The following KLHL26 variants were observed in gnomAD, a reference collection of about 807,000 sequenced individuals.
KLHL26 encodes the protein kelch like family member 26.
In KLHL26, 4 loss-of-function variants were observed where a neutral mutation model predicts 7.1. The observed-to-expected ratio is 0.56, with a 90% CI of 0.28 to 1.28. The LOEUF is 1.28. Among genes scored for constraint, KLHL26 ranks in the 50% most tolerant of loss-of-function variants. The pLI, the probability that KLHL26 is intolerant of heterozygous loss-of-function variation, is 0.11. For missense variants in KLHL26, 896 were observed against 924.6 expected (o/e 0.97, Z 0.40); for synonymous variants, 465 against 414.1 (o/e 1.12, Z -1.49).
At chr19:18,662,295 C>G (rs936015682) in intron 1 of KLHL26, among the ~76,000 whole-genome samples, 11 of 152,158 alleles carry the variant, frequency 7.2e-5, no homozygotes, top group Non-Finnish European at 1.3e-4. Flanking sequence ...CTGGCAAGGC[C>G]CATGCATACT....
intron 1 of KLHL26, among the ~76,000 whole-genome samples, chr19:18,645,219 A>G (rs1195555276): frequency 6.6e-6 from 1 of 151,694 alleles, no homozygotes; most frequent in Non-Finnish European, 1.5e-5. Flanking sequence ...CGGGGTCTAG[A>G]CTCCTTGGAG....
intron 1 of KLHL26, among the ~76,000 whole-genome samples, chr19:18,637,344 AC>A: frequency 6.6e-6 from 1 of 151,664 alleles, no homozygotes; most frequent in Admixed American, 6.6e-5. Context: ...GTGCCCCAGG[AC>A]CTCGAGGCGT....
chr19:18,663,094 G>A (rs965651191), intron 1 of KLHL26, among the ~76,000 whole-genome samples: 1 of 152,216 alleles, frequency 6.6e-6, no homozygotes, highest in Non-Finnish European at 1.5e-5. Context: ...AGTAGCATAT[G>A]TCCTGCTTCC....
intron 1 of KLHL26, among the ~76,000 whole-genome samples, chr19:18,641,350 G>A (rs1284282741): frequency 8.5e-4 from 90 of 105,810 alleles, no homozygotes; most frequent in African/African-American, 3.1e-3. Flanking sequence ...ACTGAGTCTC[G>A]CTTTGTTGCC....
In KLHL26 at chr19:18,668,377, G is replaced by A; in HGVS notation, c.980G>A (p.Ser327Asn). ...TACACCGACAGCGACCGCTCGGTCA[G>A]CAGCAAGGTCTACCAGCTGCCTGAG... Reference protein sequence around the residue: ...TPYTDSDRSVSSKVYQLPEPG... With the variant: ...TPYTDSDRSVNSKVYQLPEPG... Residue 327 changes from serine to asparagine, a missense_variant, in exon 3 of 3, where the codon AGC becomes AAC. Transcript: ENST00000300976. The A allele has an allele frequency of 5.6e-6, 9 of 1,607,972 alleles. No homozygotes were observed. The highest frequency in any genetic ancestry group is 7.6e-6 in the Non-Finnish European group (9 of 1,179,070).
Position 18,668,363 on chromosome 19 carries a change from C to A in KLHL26, c.966C>A (p.Ser322Arg). 6.2e-7 allele frequency: 1 copy of A among 1,607,336 alleles called. No individual in the cohort carries two copies. Among genetic ancestry groups the A allele is most frequent in the Non-Finnish European group, 8.5e-7 (1 of 1,178,618 alleles). ...TCGGCGGCACGCCCTACACCGACAGCGACCGCTCGGTCAGCAGCAAGGTCT... is the reference window on the plus strand; with the variant it reads ...TCGGCGGCACGCCCTACACCGACAGAGACCGCTCGGTCAGCAGCAAGGTCT... ...VTFGGTPYTD[S>R]DRSVSSKVYQ... The change falls in exon 3 of 3, where the codon AGC becomes AGA. Residue 322 changes from serine (S) to arginine (R), a missense_variant. Coordinates refer to ENST00000300976, the MANE Select transcript of KLHL26 (RefSeq NM_018316.3).
rs970130111 is a variant in KLHL26, at chr19:18,648,365, A to T, written c.83+11228A>T. Among the ~76,000 whole-genome samples, 1 of 152,078 alleles carries T rather than the reference A, an allele frequency of 6.6e-6. No individual in the cohort carries two copies. Among genetic ancestry groups the T allele is most frequent in the Admixed American group, 6.5e-5 (1 of 15,268 alleles). On this transcript the variant is annotated intron_variant, in intron 1 of 2. Transcript: ENST00000300976. The surrounding 1 kb of genome is among the most constrained non-coding windows in gnomAD (Gnocchi z 4.9). ...GAGACTCTGTCTCAAAAAAGAAAGG[A>T]TCCCTCTGGCAAGAGACAAGGGACC...
chr19:18,642,943 C>T (rs1568454339), intron 1 of KLHL26, among the ~76,000 whole-genome samples: 1 of 151,954 alleles, frequency 6.6e-6, no homozygotes, highest in Non-Finnish European at 1.5e-5. Context: ...AAGCGATTCT[C>T]CTGCCTCAGC....
At chr19:18,657,440 C>G (rs185385407) in intron 1 of KLHL26, among the ~76,000 whole-genome samples, 161 of 151,366 alleles carry the variant, frequency 1.1e-3, no homozygotes, top group African/African-American at 3.7e-3. Context: ...CTCTGAGTCT[C>G]TGGGTCTCTG....
At position 18,664,270 on chromosome 19, in the gene KLHL26, C is replaced by G; in HGVS notation, c.93C>G (p.Asp31Glu). The change falls in exon 2 of 3, where the codon GAC becomes GAG. Residue 31 changes from aspartate to glutamate, a missense_variant. Coordinates refer to ENST00000300976, the MANE Select transcript of KLHL26 (RefSeq NM_018316.3). Reference protein sequence around the residue: ...PGPERPNSTADKNGALKCTFS... With the variant: ...PGPERPNSTAEKNGALKCTFS... ...TCTGCTTTCCCCGCAGCACGGCCGA[C>G]AAGAACGGGGCCCTCAAGTGCACCT... 6.3e-7 allele frequency: 1 copy of G among 1,598,768 alleles called. No individual in the cohort carries two copies. Among genetic ancestry groups the G allele is most frequent in the Non-Finnish European group, 8.5e-7 (1 of 1,173,464 alleles).
chr19:18,643,023 G>T (rs1976742191), intron 1 of KLHL26, among the ~76,000 whole-genome samples: 1 of 151,676 alleles, frequency 6.6e-6, no homozygotes. Flanking sequence ...TAATAGAGAC[G>T]GGGTTTCACC....
Position 18,669,021 on chromosome 19 carries a change from G to T in KLHL26, c.1624G>T (p.Val542Leu), listed in dbSNP as rs17852384. The change falls in exon 3 of 3, where the codon GTG becomes TTG. Residue 542 changes from valine (V) to leucine (L), a missense_variant. By Grantham distance (32) the Val-to-Leu change is conservative. Transcript: ENST00000300976. Reference sequence around the variant, plus strand: ...GCCGGAGACGGACCAGTGGACCAGCGTGAGCCCCATGCGGGCCGGCCAGTC... The same window carrying T: ...GCCGGAGACGGACCAGTGGACCAGCTTGAGCCCCATGCGGGCCGGCCAGTC... ...YVPETDQWTSVSPMRAGQSEA... is the reference protein window; with the variant it reads ...YVPETDQWTSLSPMRAGQSEA... 2.4e-5 allele frequency: 38 copies of T among 1,612,674 alleles called. No homozygotes were observed. In the African/African-American group the frequency reaches 4.7e-4, roughly 20 times the overall value.
At chr19:18,640,318 T>C (rs1486955877) in intron 1 of KLHL26, among the ~76,000 whole-genome samples, 1 of 151,926 alleles carries the variant, frequency 6.6e-6, no homozygotes, top group Non-Finnish European at 1.5e-5. Context: ...TACTGTAGCC[T>C]CTACCTCCTT....
Position 18,668,437 on chromosome 19 carries a change from T to A in KLHL26, c.1040T>A (p.Met347Lys). The A allele has an allele frequency of 6.2e-7, 1 of 1,611,452 alleles. No individual in the cohort carries two copies. The highest frequency in any genetic ancestry group is 8.5e-7 in the Non-Finnish European group (1 of 1,179,732). The change falls in exon 3 of 3, where the codon ATG becomes AAG. Residue 347 changes from methionine (M) to lysine (K), a missense_variant. Physicochemically the swap from Met to Lys is moderately conservative, Grantham distance 95. Transcript: ENST00000300976. ...CGCCACTTCCGCGAGCTCACGGAGATGGAGGTAGGCTGCAGCCACACGTGC... is the reference window on the plus strand; with the variant it reads ...CGCCACTTCCGCGAGCTCACGGAGAAGGAGGTAGGCTGCAGCCACACGTGC... ...GARHFRELTE[M>K]EVGCSHTCVA...
At chr19:18,651,382 T>C (rs1214935619) in intron 1 of KLHL26, among the ~76,000 whole-genome samples, 2 of 152,186 alleles carry the variant, frequency 1.3e-5, no homozygotes, top group African/African-American at 4.8e-5. Flanking sequence ...CCCTGGAGCC[T>C]CTGTCCAGTC....
At chr19:18,644,034 C>T (rs1384405556) in intron 1 of KLHL26, among the ~76,000 whole-genome samples, 1 of 152,190 alleles carries the variant, frequency 6.6e-6, no homozygotes. Flanking sequence ...CATCTTTGTC[C>T]CCGCAAAAGG....
At chr19:18,665,069 T>C (rs2052433976) in intron 2 of KLHL26, among the ~76,000 whole-genome samples, 1 of 151,404 alleles carries the variant, frequency 6.6e-6, no homozygotes, top group South Asian at 2.1e-4. Context: ...TGTTTTTTTT[T>C]TTTTTGAGAC....
rs1403526058 is a variant in KLHL26, at chr19:18,669,054, G to A, written c.1657G>A (p.Gly553Ser). Residue 553 changes from glycine (G) to serine (S), a missense_variant, in exon 3 of 3, where the codon GGC becomes AGC. Coordinates refer to ENST00000300976, the MANE Select transcript of KLHL26 (RefSeq NM_018316.3). ...CATGCGGGCCGGCCAGTCAGAGGCC[G>A]GCTGCTGCCTGCTGGAGAGGAAGAT... Reference protein sequence around the residue: ...SPMRAGQSEAGCCLLERKIYI... With the variant: ...SPMRAGQSEASCCLLERKIYI... The A allele has an allele frequency of 6.2e-7, 1 of 1,612,810 alleles. No homozygotes were observed. Among genetic ancestry groups the A allele is most frequent in the Non-Finnish European group, 8.5e-7 (1 of 1,179,910 alleles).
rs202219256 is a variant in KLHL26 at position 18,667,797 on chromosome 19, C to G, written c.400C>G (p.Gln134Glu). The G allele has an allele frequency of 1.2e-6, 2 of 1,613,324 alleles. No individual in the cohort carries two copies. The highest frequency in any genetic ancestry group is 1.7e-6 in the Non-Finnish European group (2 of 1,180,000). Residue 134 changes from glutamine to glutamate, a missense_variant, in exon 3 of 3, where the codon CAG (glutamine) becomes GAG (glutamate). Physicochemically the swap from Gln to Glu is conservative, Grantham distance 29 (BLOSUM62 2). Coordinates refer to ENST00000300976, the MANE Select transcript of KLHL26 (RefSeq NM_018316.3). ...AEVTLDLDCV[Q>E]DVLGAAVFLQ... ...GGTGACACTGGACCTGGACTGCGTG[C>G]AGGACGTGCTGGGCGCGGCCGTGTT...
Sources: allele counts gnomAD v4.1 joint callset (sites outside exome capture counted in the v4.1 genomes callset), GRCh38; gene constraint gnomAD v4.1.1; non-coding constraint Gnocchi (gnomAD v3.1); transcripts MANE v1.5; gene names NCBI Gene and HGNC (gene_info 2026-07-23, HGNC 2026-07-21).